The following RAB11FIP4 variants were observed in gnomAD, a reference collection of about 807,000 sequenced individuals.
RAB11FIP4 encodes RAB11 family interacting protein 4, also known as rab11 family-interacting protein 4.
In RAB11FIP4, 23 loss-of-function variants were observed where a neutral mutation model predicts 74.3. That is an observed-to-expected ratio of 0.31 (90% CI 0.22 to 0.44). The LOEUF is 0.44. Among genes scored for constraint, RAB11FIP4 ranks in the 20% least tolerant of loss-of-function variants. The pLI, the probability that RAB11FIP4 is intolerant of heterozygous loss-of-function variation, is 1.00. For synonymous variants in RAB11FIP4, 360 were observed against 359.9 expected, an observed-to-expected ratio of 1.00 and a Z score of 0.00; for missense variants, 630 against 863.9, an observed-to-expected ratio of 0.73 and a Z score of 3.39.
At chr17:31,422,457 A>G (rs951370654) in intron 1 of RAB11FIP4, among the ~76,000 whole-genome samples, 11 of 152,202 alleles carry the variant, frequency 7.2e-5, no homozygotes, top group Admixed American at 2.0e-4. Flanking sequence ...GTCTCCAACT[A>G]TGATTGTCAA....
At chr17:31,404,459 G>A (rs991634302) in intron 1 of RAB11FIP4, among the ~76,000 whole-genome samples, 1 of 152,240 alleles carries the variant, frequency 6.6e-6, no homozygotes, top group African/African-American at 2.4e-5. Context: ...TACTTGCTGC[G>A]TGACTCTGAG....
rs2072962572 is a variant in RAB11FIP4, at chr17:31,536,342, AAAAC to A, written c.*4614_*4617del. On this transcript the variant is annotated 3_prime_UTR_variant, in exon 15 of 15. Coordinates refer to ENST00000621161, the MANE Select transcript of RAB11FIP4 (RefSeq NM_032932.6). ...AAACTCTTGTCTTTATTTTTTTAAA[AAAAC>A]AAAAAGTAACTTTCGATGTGATCAT... The A allele has an allele frequency of 6.6e-6, 1 of 152,188 alleles. No homozygotes were observed. Among genetic ancestry groups the A allele is most frequent in the South Asian group, 2.1e-4 (1 of 4,832 alleles). 9.4% of individuals were successfully genotyped at this position (152,188 alleles called of 1,614,324 possible). A position where few individuals can be genotyped will look rare whatever the true frequency, so the allele number is the denominator to read the frequency against.
chr17:31,496,600 T>C (rs571621684), intron 3 of RAB11FIP4, among the ~76,000 whole-genome samples: 226 of 152,362 alleles, frequency 1.5e-3, no homozygotes, highest in South Asian at 0.01. Flanking sequence ...CAATTTTCTT[T>C]CAAATCTCTC....
chr17:31,414,550 G>C (rs1227583203), intron 1 of RAB11FIP4, among the ~76,000 whole-genome samples: 2 of 152,244 alleles, frequency 1.3e-5, no homozygotes, highest in South Asian at 2.1e-4. Context: ...GGCTGTGAAT[G>C]AGGGGCCACC....
chr17:31,467,294 T>C lies in RAB11FIP4; in HGVS notation c.336+33172T>C, dbSNP rs140821857. 1.1e-3 allele frequency among the ~76,000 whole-genome samples: 173 copies of C among 152,124 alleles called. 3 individuals carry two copies. The East Asian group carries it at 0.03, about 27-fold the overall frequency. On this transcript the variant is annotated intron_variant, in intron 3 of 14. Transcript: ENST00000621161. ...ACCCAGCTAATTTTTGTATTTTTAG[T>C]AGAGACTAAAATGGGGGTTTCACCA...
At chr17:31,420,823 C>T (rs370081915) in intron 1 of RAB11FIP4, among the ~76,000 whole-genome samples, 2 of 151,966 alleles carry the variant, frequency 1.3e-5, no homozygotes, top group African/African-American at 4.8e-5. Flanking sequence ...GTGGCTCATG[C>T]CTGTAATCTC....
At chr17:31,486,257 A>G (rs775467469) in intron 3 of RAB11FIP4, among the ~76,000 whole-genome samples, 3 of 151,822 alleles carry the variant, frequency 2.0e-5, no homozygotes, top group Non-Finnish European at 2.9e-5. Context: ...TAAATAAACA[A>G]ATAGAGACAG....
At chr17:31,425,766 G>T (rs2071242769) in intron 1 of RAB11FIP4, among the ~76,000 whole-genome samples, 1 of 152,200 alleles carries the variant, frequency 6.6e-6, no homozygotes, top group Non-Finnish European at 1.5e-5. Context: ...TGCCTGCCAG[G>T]CCTGGCGAAC....
intron 3 of RAB11FIP4, among the ~76,000 whole-genome samples, chr17:31,464,951 G>T (rs1186382598): frequency 6.6e-6 from 1 of 150,834 alleles, no homozygotes; most frequent in Non-Finnish European, 1.5e-5. Context: ...AGTAGAGACA[G>T]TTTCGCCATG....
chr17:31,394,907 T>G (rs1023910373), intron 1 of RAB11FIP4, among the ~76,000 whole-genome samples: 1 of 120,552 alleles, frequency 8.3e-6, no homozygotes. Flanking sequence ...AAAATCGGAG[T>G]GTTGTTTTCC....
At chr17:31,454,747 G>A (rs12948720) in intron 3 of RAB11FIP4, among the ~76,000 whole-genome samples, 13,437 of 152,160 alleles carry the variant, frequency 0.088, 685 homozygotes, top group Middle Eastern at 0.12. Flanking sequence ...AATCAGGCCC[G>A]GTGGTTCCTG....
At chr17:31,415,291 G>C (rs2071136488) in intron 1 of RAB11FIP4, among the ~76,000 whole-genome samples, 1 of 152,246 alleles carries the variant, frequency 6.6e-6, no homozygotes, top group Non-Finnish European at 1.5e-5. Flanking sequence ...GGACAAAGAG[G>C]AGGGGAGGGG....
chr17:31,500,835 C>T (rs2072204768), intron 3 of RAB11FIP4, among the ~76,000 whole-genome samples: 1 of 152,024 alleles, frequency 6.6e-6, no homozygotes, highest in Non-Finnish European at 1.5e-5. Flanking sequence ...CCATCCTGGC[C>T]AACATGGTGA....
rs1393734903 is a variant in RAB11FIP4, at chr17:31,527,825, C to T, written c.1275-17C>T. 1.3e-6 allele frequency: 2 copies of T among 1,590,744 alleles called. No homozygotes were observed. The highest frequency in any genetic ancestry group is 2.3e-5 in the South Asian group (2 of 87,126). On this transcript the variant is annotated splice_polypyrimidine_tract_variant and intron_variant, in intron 10 of 14. Transcript: ENST00000621161. ...TACATTCCAGGTTTCTGAGATTTGT[C>T]TTTCTCCTTTCGCCAGGGTGCAGCA... is the stretch of plus-strand genomic sequence containing the variant.
At chr17:31,487,832 C>T (rs1318229654) in intron 3 of RAB11FIP4, among the ~76,000 whole-genome samples, 1 of 151,978 alleles carries the variant, frequency 6.6e-6, no homozygotes, top group African/African-American at 2.4e-5. Context: ...GCGAGCTCCA[C>T]CTCCGGAGGC....
chr17:31,396,411 C>T (rs967833437), intron 1 of RAB11FIP4, among the ~76,000 whole-genome samples: 1 of 152,220 alleles, frequency 6.6e-6, no homozygotes, highest in South Asian at 2.1e-4. Context: ...TCAAATGGGG[C>T]TGATCAGAGT....
At chr17:31,505,180 G>A (rs556580398) in intron 3 of RAB11FIP4, among the ~76,000 whole-genome samples, 3 of 151,738 alleles carry the variant, frequency 2.0e-5, no homozygotes, top group African/African-American at 4.8e-5. Context: ...GTTCTCCCTG[G>A]TAGAGGTATG....
chr17:31,410,804 G>A (rs928850567), intron 1 of RAB11FIP4, among the ~76,000 whole-genome samples: 2 of 152,164 alleles, frequency 1.3e-5, no homozygotes, highest in African/African-American at 4.8e-5. Flanking sequence ...CCAAGACCAG[G>A]GCCCTGGTTG....
At chr17:31,490,248 T>C (rs1597950400) in intron 3 of RAB11FIP4, among the ~76,000 whole-genome samples, 1 of 152,028 alleles carries the variant, frequency 6.6e-6, no homozygotes, top group African/African-American at 2.4e-5. Flanking sequence ...AGACCCAAGG[T>C]TTTCTCTTTG....
Sources: allele counts gnomAD v4.1 joint callset (sites outside exome capture counted in the v4.1 genomes callset), GRCh38; gene constraint gnomAD v4.1.1; transcripts MANE v1.5; gene names NCBI Gene and HGNC (gene_info 2026-07-23, HGNC 2026-07-21).